SFMBT2: variants seen among roughly 807,000 people sequenced by gnomAD.
The protein encoded by SFMBT2 is Scm like with four mbt domains 2.
Under a neutral mutation model 110.1 loss-of-function variants are expected in SFMBT2, and 38 were observed. The ratio of observed to expected loss-of-function variants is 0.35; its 90% CI spans 0.27 to 0.45. SFMBT2 has a LOEUF of 0.45. Among genes scored for constraint, SFMBT2 ranks in the 20% least tolerant of loss-of-function variants. SFMBT2 has a pLI of 1.00. For synonymous variants in SFMBT2, 425 were observed against 425.4 expected (o/e 1.00, Z 0.01); for missense variants, 1,011 against 1,094.9 (o/e 0.92, Z 1.08).
rs1846282358 is a variant in SFMBT2, at chr10:7,408,468, G to A, written c.-52+2393C>T. Among the ~76,000 whole-genome samples the A allele has an allele frequency of 6.6e-6, 1 of 152,256 alleles. No homozygotes were observed. The highest frequency in any genetic ancestry group is 2.1e-4 in the South Asian group (1 of 4,836). On this transcript the variant is annotated intron_variant, in intron 1 of 20. Coordinates refer to ENST00000397167, the MANE Select transcript of SFMBT2 (RefSeq NM_001387889.1). The surrounding 1 kb of genome is among the most constrained non-coding windows in gnomAD (Gnocchi z 5.7). Reference sequence around the variant, plus strand: ...CGCTAACTACAAACCTGGCCAACATGTCTTTGTAACCCTATCATTTAAAAA... The same window carrying A: ...CGCTAACTACAAACCTGGCCAACATATCTTTGTAACCCTATCATTTAAAAA...
At chr10:7,249,155 G>C (rs1840718595) in intron 7 of SFMBT2, 3 of 679,168 alleles carry the variant, frequency 4.4e-6, no homozygotes, top group South Asian at 1.3e-4. Context: ...TAAGGGTAGG[G>C]GTACTCAAGA....
At position 7,402,057 on chromosome 10, in the gene SFMBT2, G is replaced by A. The variant is rs951170760; in HGVS notation, c.-52+8804C>T. On this transcript the variant is annotated intron_variant, in intron 1 of 20. Transcript: ENST00000397167. ...GAGACGGAGAGCTCTTGCATTGCCA[G>A]GGAGTAGTTCTGTTTGGTACACAGG... Among the ~76,000 whole-genome samples, 8 of 151,740 alleles carry A rather than the reference G, an allele frequency of 5.3e-5. No homozygotes were observed. In the South Asian group the frequency reaches 1.0e-3, roughly 20 times the overall value.
chr10:7,408,055 C>T lies in SFMBT2; in HGVS notation c.-52+2806G>A, dbSNP rs1235981377. 6.6e-6 allele frequency among the ~76,000 whole-genome samples: 1 copy of T among 152,278 alleles called. No individual in the cohort carries two copies. The highest frequency in any genetic ancestry group is 1.5e-5 in the Non-Finnish European group (1 of 68,052). On this transcript the variant is annotated intron_variant, in intron 1 of 20. Coordinates refer to ENST00000397167, the MANE Select transcript of SFMBT2 (RefSeq NM_001387889.1). The surrounding 1 kb of genome is among the most constrained non-coding windows in gnomAD (Gnocchi z 5.7). The stretch of plus-strand genomic sequence containing the variant: ...TTGTAATCAACTGTACATCCGCTTC[C>T]ACGGCACGGCCTCGTGCAAAATCGC...
At chr10:7,375,430 T>C (rs1032416363) in intron 2 of SFMBT2, among the ~76,000 whole-genome samples, 1 of 152,178 alleles carries the variant, frequency 6.6e-6, no homozygotes, top group African/African-American at 2.4e-5. Context: ...TCAGGGTGAA[T>C]GCTTACTGAG....
intron 2 of SFMBT2, among the ~76,000 whole-genome samples, chr10:7,379,644 G>A (rs1053524659): frequency 2.0e-5 from 3 of 151,294 alleles, no homozygotes; most frequent in African/African-American, 7.3e-5. Flanking sequence ...CATGGGGGTG[G>A]AGAAAAATCT....
At chr10:7,366,377 G>T (rs1298454934) in intron 4 of SFMBT2, among the ~76,000 whole-genome samples, 2 of 146,088 alleles carry the variant, frequency 1.4e-5, no homozygotes, top group African/African-American at 5.1e-5. Context: ...CTAACAAAGG[G>T]TAATTAAAAA....
At chr10:7,406,909 C>A (rs747630468) in intron 1 of SFMBT2, among the ~76,000 whole-genome samples, 4 of 151,290 alleles carry the variant, frequency 2.6e-5, no homozygotes, top group Admixed American at 1.3e-4. Flanking sequence ...ACCCCCGGCT[C>A]GGGGCAGTGT....
At chr10:7,230,305 G>A (rs192991366) in intron 9 of SFMBT2, among the ~76,000 whole-genome samples, 1 of 152,194 alleles carries the variant, frequency 6.6e-6, no homozygotes, top group Non-Finnish European at 1.5e-5. Context: ...TTCTAGACAG[G>A]ACCAGAGCCG....
At chr10:7,404,773 C>T (rs986729303) in intron 1 of SFMBT2, among the ~76,000 whole-genome samples, 4 of 152,246 alleles carry the variant, frequency 2.6e-5, no homozygotes, top group East Asian at 1.9e-4. Context: ...GACATATTAC[C>T]GCTTTTGCTT....
intron 4 of SFMBT2, among the ~76,000 whole-genome samples, chr10:7,345,033 G>A (rs1476600477): frequency 6.6e-6 from 1 of 151,176 alleles, no homozygotes; most frequent in Admixed American, 6.6e-5. Context: ...TGTGATTTCA[G>A]GCAATCAGGA....
intron 4 of SFMBT2, among the ~76,000 whole-genome samples, chr10:7,343,221 CTT>C (rs34301294): frequency 1.4e-5 from 2 of 145,452 alleles, no homozygotes; most frequent in African/African-American, 2.5e-5. Flanking sequence ...CATGATCTTG[CTT>C]TTTTTTTTTA....
At chr10:7,269,889 C>G (rs938255501) in intron 7 of SFMBT2, among the ~76,000 whole-genome samples, 1 of 151,052 alleles carries the variant, frequency 6.6e-6, no homozygotes, top group Non-Finnish European at 1.5e-5. Context: ...TCCCATGCAT[C>G]CATACCATTT....
At chr10:7,305,510 T>TATTC in intron 4 of SFMBT2, among the ~76,000 whole-genome samples, 1 of 152,330 alleles carries the variant, frequency 6.6e-6, no homozygotes, top group African/African-American at 2.4e-5. Context: ...ACTTGCGTAG[T>TATTC]ATTCAGCAAG....
intron 4 of SFMBT2, among the ~76,000 whole-genome samples, chr10:7,311,239 G>A (rs1241403810): frequency 6.6e-6 from 1 of 151,954 alleles, no homozygotes; most frequent in African/African-American, 2.4e-5. Flanking sequence ...TCGAGCACCT[G>A]AATTACTAAG....
At chr10:7,337,021 T>A (rs897366310) in intron 4 of SFMBT2, among the ~76,000 whole-genome samples, 1 of 152,214 alleles carries the variant, frequency 6.6e-6, no homozygotes, top group Non-Finnish European at 1.5e-5. Flanking sequence ...TTTAACCCAA[T>A]GAAAAGAATA....
At chr10:7,308,287 G>A (rs936796974) in intron 4 of SFMBT2, among the ~76,000 whole-genome samples, 1 of 152,074 alleles carries the variant, frequency 6.6e-6, no homozygotes, top group African/African-American at 2.4e-5. Context: ...TTCAGCCCAG[G>A]AAGTAGAGGC....
At chr10:7,337,962 ACT>A (rs1843767909) in intron 4 of SFMBT2, among the ~76,000 whole-genome samples, 1 of 152,098 alleles carries the variant, frequency 6.6e-6, no homozygotes, top group Admixed American at 6.6e-5. Flanking sequence ...CTCACAGCAA[ACT>A]CTGCTGCACA....
chr10:7,305,471 AC>A (rs1187268378), intron 4 of SFMBT2, among the ~76,000 whole-genome samples: 2 of 151,790 alleles, frequency 1.3e-5, no homozygotes, highest in Non-Finnish European at 2.9e-5. Flanking sequence ...TATTGGGCCC[AC>A]CTCCAGCCCC....
Position 7,408,151 on chromosome 10 carries a change from G to A in SFMBT2, c.-52+2710C>T, listed in dbSNP as rs770839900. ...CAGGAGGACAAGGGGAGGGGTTCGCGGCTGAAACTGCAGCTTCGCAGCACA... is the reference window on the plus strand; with the variant it reads ...CAGGAGGACAAGGGGAGGGGTTCGCAGCTGAAACTGCAGCTTCGCAGCACA... On this transcript the variant is annotated intron_variant, in intron 1 of 20. Coordinates refer to ENST00000397167, the MANE Select transcript of SFMBT2 (RefSeq NM_001387889.1). The surrounding 1 kb of genome is among the most constrained non-coding windows in gnomAD (Gnocchi z 5.7). 3.9e-5 allele frequency among the ~76,000 whole-genome samples: 6 copies of A among 152,260 alleles called. No individual in the cohort carries two copies. Among genetic ancestry groups the A allele is most frequent in the Non-Finnish European group, 7.3e-5 (5 of 68,052 alleles).
Sources: gnomAD v4.1 joint callset for allele counts (sites outside exome capture counted in the v4.1 genomes callset) on GRCh38, gnomAD v4.1.1 for gene constraint, Gnocchi (gnomAD v3.1) non-coding constraint, MANE v1.5 for transcripts, NCBI Gene and HGNC (gene_info 2026-07-23, HGNC 2026-07-21) for gene names.